The following FAM120B variants were observed in gnomAD, a reference collection of about 807,000 sequenced individuals.
The protein encoded by FAM120B is family with sequence similarity 120 member B, also known as constitutive coactivator of peroxisome proliferator-activated receptor gamma.
Under a neutral mutation model 96.3 loss-of-function variants are expected in FAM120B, and 83 were observed. The ratio of observed to expected loss-of-function variants is 0.86; its 90% CI spans 0.72 to 1.03. FAM120B has a LOEUF of 1.03. FAM120B is among the 50% of genes least tolerant of loss of function. The pLI, the probability that FAM120B is intolerant of heterozygous loss-of-function variation, is 0.00. For synonymous variants in FAM120B, 407 were observed against 402.7 expected, an observed-to-expected ratio of 1.01 and a Z score of -0.13; for missense variants, 1,027 against 1,121.2, an observed-to-expected ratio of 0.92 and a Z score of 1.20.
chr6:170,293,364 C>A (rs1783928139), upstream of FAM120B, among the ~76,000 whole-genome samples: 1 of 152,094 alleles, frequency 6.6e-6, no homozygotes, highest in Admixed American at 6.5e-5. Flanking sequence ...CATTTGAATG[C>A]CTGTTTAGAA....
In FAM120B at chr6:170,348,302, C is replaced by G. The variant is rs1389432452; in HGVS notation, c.2169C>G (p.Leu723=). 2 of 1,613,236 alleles carry G rather than the reference C, an allele frequency of 1.2e-6. No individual in the cohort carries two copies. Among genetic ancestry groups the G allele is most frequent in the African/African-American group, 2.7e-5 (2 of 75,014 alleles). ...GCCCATTTCAAGCTTTGTGCTGCCT[C>G]TTGATCTACCTCTTTGTCCAGGTAA... is the stretch of plus-strand genomic sequence containing the variant. The part of the protein sequence containing the change: ...VESPFQALCC[L]LIYLFVQVDT... Residue 723 remains leucine (L), a synonymous_variant, in exon 5 of 11, where the codon CTC becomes CTG. Coordinates refer to ENST00000476287, the MANE Select transcript of FAM120B (RefSeq NM_032448.3).
rs1450608622 is a variant in FAM120B at position 170,391,322 on chromosome 6, G to A, written c.2599+201G>A. The A allele has an allele frequency of 1.2e-5, 6 of 515,704 alleles. No homozygotes were observed. The Admixed American group carries it at 1.3e-4, about 11-fold the overall frequency. 31.9% of individuals were successfully genotyped at this position (515,704 alleles called of 1,614,324 possible). ...GGCCGAGGCAGGCAGATCACTTGAG[G>A]TCAGGAATTCAAGACCAGCCTGGCC... On this transcript the variant is annotated intron_variant, in intron 8 of 10. Coordinates refer to ENST00000476287, the MANE Select transcript of FAM120B (RefSeq NM_032448.3).
At chr6:170,361,222 A>ATATATATACACACG (rs1554286442) in intron 6 of FAM120B, among the ~76,000 whole-genome samples, 1 of 102,004 alleles carries the variant, frequency 9.8e-6, no homozygotes, top group African/African-American at 3.4e-5. Context: ...ATATATATAT[A>ATATATATACACACG]TATATATATA....
At chr6:170,380,391 T>C (rs1347202769) in intron 6 of FAM120B, among the ~76,000 whole-genome samples, 1 of 152,218 alleles carries the variant, frequency 6.6e-6, no homozygotes, top group Non-Finnish European at 1.5e-5. Flanking sequence ...CTGGGTCATA[T>C]GGTAGCTCTA....
chr6:170,305,340 G>T (rs932326586), upstream of FAM120B, among the ~76,000 whole-genome samples: 1 of 152,152 alleles, frequency 6.6e-6, no homozygotes, highest in Admixed American at 6.5e-5. Flanking sequence ...ATCAGCAATA[G>T]GTGCTGAACA....
intron 6 of FAM120B, among the ~76,000 whole-genome samples, chr6:170,361,198 G>GTATGTA (rs1554286343): frequency 3.0e-5 from 2 of 66,038 alleles, no homozygotes; most frequent in South Asian, 5.1e-4. Context: ...ATATATACGT[G>GTATGTA]TATATATATA....
rs557212537 is a variant in FAM120B at position 170,296,904 on chromosome 6, A to C, written c.48+1451A>C. On this transcript the variant is annotated intron_variant, in intron 1 of 10. Transcript: ENST00000537664. ...CAGCCTGTGACTTTGTAAAAAAGTG[A>C]ATGGGGAAGAAAAGGCGCTGAGAGG... 2.0e-5 allele frequency among the ~76,000 whole-genome samples: 3 copies of C among 152,234 alleles called. No individual in the cohort carries two copies. In the East Asian group the frequency reaches 5.8e-4, roughly 30 times the overall value.
rs752533738 is a variant in FAM120B, at chr6:170,388,368, G to GC, written c.2366dup (p.Cys790MetfsTer9). 6.2e-7 allele frequency: 1 copy of GC among 1,614,124 alleles called. No homozygotes were observed. The highest frequency in any genetic ancestry group is 8.5e-7 in the Non-Finnish European group (1 of 1,180,022). Reference sequence around the variant, plus strand: ...CACCACTCTGGTTTTAGTCAACAGCGCATGTGGCTTCCCCTGGAAGACGAG... The same window carrying GC: ...CACCACTCTGGTTTTAGTCAACAGCGCCATGTGGCTTCCCCTGGAAGACGAG... On this transcript the variant is annotated frameshift_variant, in exon 7 of 11. Coordinates refer to ENST00000476287, the MANE Select transcript of FAM120B (RefSeq NM_032448.3). LOFTEE classifies it high-confidence loss of function.
In FAM120B at chr6:170,395,531, G is replaced by C. The variant is rs1400198721; in HGVS notation, c.2644G>C (p.Gly882Arg). The change falls in exon 9 of 11, where the codon GGG (glycine) becomes CGG (arginine). Residue 882 changes from glycine (G) to arginine (R), a missense_variant. Coordinates refer to ENST00000476287, the MANE Select transcript of FAM120B (RefSeq NM_032448.3). ...CTCCAGCTACCACAGGACGGGCTCT[G>C]GGTATAGCCGTTCCAGTCAGGGACA... is the stretch of plus-strand genomic sequence containing the variant. Reference protein sequence around the residue: ...QGSSYHRTGSGYSRSSQGQPW... With the variant: ...QGSSYHRTGSRYSRSSQGQPW... 1 of 1,601,032 alleles carries C rather than the reference G, an allele frequency of 6.2e-7. No homozygotes were observed. Among genetic ancestry groups the C allele is most frequent in the South Asian group, 1.1e-5 (1 of 88,228 alleles).
upstream of FAM120B, among the ~76,000 whole-genome samples, chr6:170,294,628 C>G (rs542907300): frequency 2.0e-5 from 3 of 152,272 alleles, no homozygotes; most frequent in Non-Finnish European, 2.9e-5. This position sits in a 1 kb window ranked among gnomAD's most constrained non-coding sequence, Gnocchi z 7.9. Flanking sequence ...TGACCTAATA[C>G]CATGGTCACT....
chr6:170,319,781 A>G (rs993926394), intron 2 of FAM120B, among the ~76,000 whole-genome samples: 3 of 152,260 alleles, frequency 2.0e-5, no homozygotes, highest in African/African-American at 7.2e-5. Context: ...GGAAGTACTA[A>G]AGGTGTAGCG....
intron 7 of FAM120B, among the ~76,000 whole-genome samples, chr6:170,390,704 C>T (rs967755936): frequency 2.6e-5 from 4 of 152,160 alleles, no homozygotes; most frequent in Non-Finnish European, 4.4e-5. Context: ...GTGTGGTAAT[C>T]ACCTAAATTG....
At chr6:170,402,169 C>CTTAAATA (rs796776141) in intron 9 of FAM120B, among the ~76,000 whole-genome samples, 1 of 152,264 alleles carries the variant, frequency 6.6e-6, no homozygotes, top group Non-Finnish European at 1.5e-5. Flanking sequence ...TGTGCGCCCT[C>CTTAAATA]TTAAATATTA....
chr6:170,398,666 T>A, intron 9 of FAM120B, among the ~76,000 whole-genome samples: 1 of 143,984 alleles, frequency 6.9e-6, no homozygotes, highest in Admixed American at 6.8e-5. Flanking sequence ...TAGGAGTGAG[T>A]GGGGAAGGTA....
intron 1 of FAM120B, among the ~76,000 whole-genome samples, chr6:170,299,808 G>T (rs1356807845): frequency 6.6e-6 from 1 of 152,176 alleles, no homozygotes; most frequent in African/African-American, 2.4e-5. Flanking sequence ...TGATGTAGTG[G>T]CTCTGCCACG....
intron 6 of FAM120B, among the ~76,000 whole-genome samples, chr6:170,361,182 C>CTATATATATATA (rs564683415): frequency 0.029 from 2,168 of 75,096 alleles, 47 homozygotes; most frequent in Non-Finnish European, 0.041. Context: ...AGCCTTAAAA[C>CTATATATATATA]TATATATATA....
intron 6 of FAM120B, among the ~76,000 whole-genome samples, chr6:170,365,722 C>T (rs1372212925): frequency 6.6e-6 from 1 of 151,024 alleles, no homozygotes; most frequent in Admixed American, 6.6e-5. Flanking sequence ...CCTCCCCCCC[C>T]TCCCCCCTGC....
At chr6:170,391,957 A>C (rs914960604) in intron 8 of FAM120B, among the ~76,000 whole-genome samples, 5 of 152,212 alleles carry the variant, frequency 3.3e-5, no homozygotes, top group African/African-American at 9.6e-5. Flanking sequence ...CAACGGCCAC[A>C]GAATCTTCCA....
intron 6 of FAM120B, among the ~76,000 whole-genome samples, chr6:170,378,363 C>T (rs1179676270): frequency 2.0e-5 from 3 of 152,194 alleles, no homozygotes; most frequent in Non-Finnish European, 4.4e-5. Context: ...GACCTGTGGA[C>T]ACCTGGCACA....
Sources: allele counts gnomAD v4.1 joint callset (sites outside exome capture counted in the v4.1 genomes callset), GRCh38; gene constraint gnomAD v4.1.1; non-coding constraint Gnocchi (gnomAD v3.1); transcripts MANE v1.5; gene names NCBI Gene and HGNC (gene_info 2026-07-23, HGNC 2026-07-21).